BRIP1: variants seen among roughly 807,000 people sequenced by gnomAD.
BRIP1 encodes the protein BRCA1 interacting DNA helicase 1.
A neutral mutation model predicts 119.7 loss-of-function variants in BRIP1; 88 were observed. The ratio of observed to expected loss-of-function variants is 0.74; its 90% CI spans 0.62 to 0.88. The LOEUF is 0.88. BRIP1 is among the 40% of genes least tolerant of loss of function. BRIP1 has a pLI of 0.00. For missense variants in BRIP1, 1,259 were observed against 1,455.4 expected (o/e 0.87, Z 2.20); for synonymous variants, 443 against 496.5 (o/e 0.89, Z 1.43).
intron 6 of BRIP1, among the ~76,000 whole-genome samples, chr17:61,818,545 G>C (rs1427744095): frequency 2.0e-5 from 3 of 152,126 alleles, no homozygotes; most frequent in Non-Finnish European, 4.4e-5. Flanking sequence ...AAGAGTGTAA[G>C]TATCTAGAAA....
chr17:61,860,529 G>A lies in BRIP1; in HGVS notation c.94-622C>T, dbSNP rs1273128601. Among the ~76,000 whole-genome samples the A allele has an allele frequency of 4.6e-5, 7 of 152,208 alleles. No homozygotes were observed. Among genetic ancestry groups the A allele is most frequent in the South Asian group, 2.1e-4 (1 of 4,828 alleles). On this transcript the variant is annotated intron_variant, in intron 2 of 19. Coordinates refer to ENST00000259008, the MANE Select transcript of BRIP1 (RefSeq NM_032043.3). The surrounding 1 kb of genome is among the most constrained non-coding windows in gnomAD (Gnocchi z 4.1). The stretch of plus-strand genomic sequence containing the variant: ...CCAAAAATTAGCTGGGCGTGGTGGC[G>A]CATCCCTGTAATCCCAGCTACTGGG...
chr17:61,743,861 AC>A lies in BRIP1; in HGVS notation c.2257+570del, dbSNP rs1208657341. ...TGCACCACACCCTGCTAATGTTTGT[AC>A]TTTTTGTAGAGACAGGATTTCACCA... On this transcript the variant is annotated intron_variant, in intron 15 of 19. Coordinates refer to ENST00000259008, the MANE Select transcript of BRIP1 (RefSeq NM_032043.3). The surrounding 1 kb of genome is among the most constrained non-coding windows in gnomAD (Gnocchi z 4.3). Among the ~76,000 whole-genome samples, 1 of 151,934 alleles carries A rather than the reference AC, an allele frequency of 6.6e-6. No individual in the cohort carries two copies. The highest frequency in any genetic ancestry group is 2.4e-5 in the African/African-American group (1 of 41,358).
Position 61,823,726 on chromosome 17 carries a change from C to G in BRIP1, c.628-14969G>C, listed in dbSNP as rs2078360185. 6.6e-6 allele frequency among the ~76,000 whole-genome samples: 1 copy of G among 150,580 alleles called. No homozygotes were observed. The highest frequency in any genetic ancestry group is 2.0e-4 in the East Asian group (1 of 5,078). ...GATGAAAACTATAAAACCATAGATC[C>G]AAAAAGCTCAATGACCCCAAGCACA... On this transcript the variant is annotated intron_variant, in intron 6 of 19. Transcript: ENST00000259008. The surrounding 1 kb of genome is among the most constrained non-coding windows in gnomAD (Gnocchi z 4.8).
Position 61,738,775 on chromosome 17 carries a change from T to C in BRIP1, c.2379+4238A>G, listed in dbSNP as rs547204469. Among the ~76,000 whole-genome samples the C allele has an allele frequency of 1.3e-5, 2 of 152,216 alleles. No homozygotes were observed. Among genetic ancestry groups the C allele is most frequent in the Non-Finnish European group, 2.9e-5 (2 of 68,034 alleles). On this transcript the variant is annotated intron_variant, in intron 16 of 19. Transcript: ENST00000259008. This position sits in a 1 kb window ranked among gnomAD's most constrained non-coding sequence, Gnocchi z 4.2. ...AAATAATGAAGAATAACATAATAAA[T>C]ACCTGCATTCTCATATTTTCTTGCA...
intron 4 of BRIP1, 111 bp from the exon 5 acceptor site, chr17:61,849,367 T>C (rs1179866881): frequency 2.2e-6 from 2 of 900,674 alleles, no homozygotes; most frequent in East Asian, 2.5e-5. Context: ...TTTCATACCA[T>C]AATCTAAAAC....
rs1301523719 is a variant in BRIP1 at position 61,804,618 on chromosome 17, A to T, written c.919-3144T>A. On this transcript the variant is annotated intron_variant, in intron 7 of 19. Coordinates refer to ENST00000259008, the MANE Select transcript of BRIP1 (RefSeq NM_032043.3). The surrounding 1 kb of genome is among the most constrained non-coding windows in gnomAD (Gnocchi z 4.5). ...TGGCCAGGCCAGTCTTGAACTCCTG[A>T]CCTCAAGTGCCCACCTCAGCCTCCC... Among the ~76,000 whole-genome samples, 1 of 152,006 alleles carries T rather than the reference A, an allele frequency of 6.6e-6. No individual in the cohort carries two copies. The highest frequency in any genetic ancestry group is 2.4e-5 in the African/African-American group (1 of 41,374).
In BRIP1 at chr17:61,713,307, A is replaced by AC. The variant is rs1475438663; in HGVS notation, c.2492+2643_2492+2644insG. 6.7e-6 allele frequency among the ~76,000 whole-genome samples: 1 copy of AC among 150,114 alleles called. No individual in the cohort carries two copies. The highest frequency in any genetic ancestry group is 2.4e-5 in the African/African-American group (1 of 41,134). On this transcript the variant is annotated intron_variant, in intron 17 of 19. Transcript: ENST00000259008. The surrounding 1 kb of genome is among the most constrained non-coding windows in gnomAD (Gnocchi z 4.9). Reference sequence around the variant, plus strand: ...ACTACAGTGTACTCCTTTCACTTACATTAAAAAAAAAGTTAACTATAAAAC... The same window carrying AC: ...ACTACAGTGTACTCCTTTCACTTACACTTAAAAAAAAAGTTAACTATAAAAC...
At position 61,681,205 on chromosome 17, in the gene BRIP1, GC is replaced by G. The variant is rs2061265493; in HGVS notation, c.*2090del. 1 of 175,118 alleles carries G rather than the reference GC, an allele frequency of 5.7e-6. No individual in the cohort carries two copies. Among genetic ancestry groups the G allele is most frequent in the African/African-American group, 3.1e-5 (1 of 32,464 alleles). The allele number at this position is 175,118 out of a possible 1,614,324, so 10.8% of individuals were successfully genotyped here. On this transcript the variant is annotated 3_prime_UTR_variant, in exon 20 of 20. Transcript: ENST00000259008. The surrounding 1 kb of genome is among the most constrained non-coding windows in gnomAD (Gnocchi z 5.1). Reference sequence around the variant, plus strand: ...GAACTACAATTCAAGATGAGATCTGGCTGGGGACATAGCCAAACCACGTCAC... The same window carrying G: ...GAACTACAATTCAAGATGAGATCTGGTGGGGACATAGCCAAACCACGTCAC...
rs59115933 is a variant in BRIP1 at position 61,681,922 on chromosome 17, A to G, written c.*1374T>C. On this transcript the variant is annotated 3_prime_UTR_variant, in exon 20 of 20. Transcript: ENST00000259008. This position sits in a 1 kb window ranked among gnomAD's most constrained non-coding sequence, Gnocchi z 5.1. Reference sequence around the variant, plus strand: ...AATAGACCATACAGAATTCTTGGATAGCTCATAAAATTTCAATTCAAATTA... The same window carrying G: ...AATAGACCATACAGAATTCTTGGATGGCTCATAAAATTTCAATTCAAATTA... 5,564 of 199,534 alleles carry G rather than the reference A, an allele frequency of 0.028. 378 individuals are homozygous for G. The highest frequency in any genetic ancestry group is 0.12 in the African/African-American group (5,224 of 43,622). The allele number at this position is 199,534 out of a possible 1,614,324, so 12.4% of individuals were successfully genotyped here.
In BRIP1 at chr17:61,709,327, CA is replaced by C. The variant is rs2061738448; in HGVS notation, c.2492+6623del. ...TCTCTTTGTAATATTGTAGGTTTGACATTTTCATTTCTTTATTATCATAGGA... is the reference window on the plus strand; with the variant it reads ...TCTCTTTGTAATATTGTAGGTTTGACTTTTCATTTCTTTATTATCATAGGA... On this transcript the variant is annotated intron_variant, in intron 17 of 19. Coordinates refer to ENST00000259008, the MANE Select transcript of BRIP1 (RefSeq NM_032043.3). The surrounding 1 kb of genome is among the most constrained non-coding windows in gnomAD (Gnocchi z 5.0). 6.6e-6 allele frequency among the ~76,000 whole-genome samples: 1 copy of C among 151,156 alleles called. No homozygotes were observed. The highest frequency in any genetic ancestry group is 2.1e-4 in the South Asian group (1 of 4,798).
Position 61,686,199 on chromosome 17 carries a change from T to C in BRIP1, c.2576-34A>G, listed in dbSNP as rs2144119887. The C allele has an allele frequency of 6.3e-7, 1 of 1,584,394 alleles. No homozygotes were observed. Among genetic ancestry groups the C allele is most frequent in the Non-Finnish European group, 8.7e-7 (1 of 1,153,200 alleles). Reference sequence around the variant, plus strand: ...AAAGGTAAACCCAGGGAAAATTTGGTTACTTAGTTATTAAAATATTACATG... The same window carrying C: ...AAAGGTAAACCCAGGGAAAATTTGGCTACTTAGTTATTAAAATATTACATG... On this transcript the variant is annotated intron_variant, in intron 18 of 19. Coordinates refer to ENST00000259008, the MANE Select transcript of BRIP1 (RefSeq NM_032043.3). This position sits in a 1 kb window ranked among gnomAD's most constrained non-coding sequence, Gnocchi z 5.4.
In BRIP1 at chr17:61,816,896, G is replaced by A. The variant is rs1003574339; in HGVS notation, c.628-8139C>T. 6.6e-6 allele frequency among the ~76,000 whole-genome samples: 1 copy of A among 152,144 alleles called. No individual in the cohort carries two copies. The highest frequency in any genetic ancestry group is 2.4e-5 in the African/African-American group (1 of 41,432). The stretch of plus-strand genomic sequence containing the variant: ...AAAATCACCATTTTGCAACTTTCCT[G>A]TACTAACTGATTCAGGCAAGTTACA... On this transcript the variant is annotated intron_variant, in intron 6 of 19. Transcript: ENST00000259008. The surrounding 1 kb of genome is among the most constrained non-coding windows in gnomAD (Gnocchi z 5.0).
chr17:61,684,460 T>A lies in BRIP1; in HGVS notation c.2906-320A>T, dbSNP rs2061331545. 6.6e-6 allele frequency among the ~76,000 whole-genome samples: 1 copy of A among 152,166 alleles called. No homozygotes were observed. Among genetic ancestry groups the A allele is most frequent in the Non-Finnish European group, 1.5e-5 (1 of 68,030 alleles). ...GAGCTGAGGAAAGGAGGGAACAGGCTGTAAACATTTGCCTTGAAAATCCAC... is the reference window on the plus strand; with the variant it reads ...GAGCTGAGGAAAGGAGGGAACAGGCAGTAAACATTTGCCTTGAAAATCCAC... On this transcript the variant is annotated intron_variant, in intron 19 of 19. Transcript: ENST00000259008. This position sits in a 1 kb window ranked among gnomAD's most constrained non-coding sequence, Gnocchi z 4.5.
At position 61,743,942 on chromosome 17, in the gene BRIP1, C is replaced by T. The variant is rs370167397; in HGVS notation, c.2257+490G>A. Among the ~76,000 whole-genome samples, 544 of 152,284 alleles carry T rather than the reference C, an allele frequency of 3.6e-3. 4 individuals carry two copies. The highest frequency in any genetic ancestry group is 0.013 in the African/African-American group (528 of 41,560). On this transcript the variant is annotated intron_variant, in intron 15 of 19. Transcript: ENST00000259008. This position sits in a 1 kb window ranked among gnomAD's most constrained non-coding sequence, Gnocchi z 4.3. ...GCTCAAGTGATCCACCCGCCTCAGC[C>T]TCCCAAAGCGCTAGGATTACAGGCA...
In BRIP1 at chr17:61,693,794, C is replaced by T. The variant is rs533462810; in HGVS notation, c.2493-282G>A. 5.7e-4 allele frequency among the ~76,000 whole-genome samples: 86 copies of T among 152,152 alleles called. No individual in the cohort carries two copies. Among genetic ancestry groups the T allele is most frequent in the African/African-American group, 1.9e-3 (77 of 41,526 alleles). On this transcript the variant is annotated intron_variant, in intron 17 of 19. Transcript: ENST00000259008. The surrounding 1 kb of genome is among the most constrained non-coding windows in gnomAD (Gnocchi z 4.2). ...AAATATATTCTAAGATCTTTCTTAG[C>T]CACATAGACTGTTTTCTTTTTTTTA...
Position 61,846,246 on chromosome 17 carries a change from AAGAGAGAGAGAGAGAAAG to A in BRIP1, c.627+837_627+854del, listed in dbSNP as rs769544401. Among the ~76,000 whole-genome samples, 1,045 of 124,846 alleles carry A rather than the reference AAGAGAGAGAGAGAGAAAG, an allele frequency of 8.4e-3. 13 individuals are homozygous for A. The highest frequency in any genetic ancestry group is 0.056 in the African/African-American group (988 of 17,644). The allele number at this position is 124,846 out of a possible 152,430, so 81.9% of individuals were successfully genotyped here. ...ACATATAGAGAGAGAGAGAGAGAAA[AAGAGAGAGAGAGAGAAAG>A]AGAGAGAGAGAGAGGTTGGAGCCAA... On this transcript the variant is annotated intron_variant, in intron 6 of 19. Coordinates refer to ENST00000259008, the MANE Select transcript of BRIP1 (RefSeq NM_032043.3). This position sits in a 1 kb window ranked among gnomAD's most constrained non-coding sequence, Gnocchi z 4.3.
intron 10 of BRIP1, among the ~76,000 whole-genome samples, chr17:61,787,225 C>T (rs1250809541): frequency 4.8e-4 from 24 of 49,808 alleles, no homozygotes; most frequent in Non-Finnish European, 3.2e-5. Context: ...ATATTATATA[C>T]TATATAAAAT....
rs547949115 is a variant in BRIP1, at chr17:61,740,245, C to A, written c.2379+2768G>T. Among the ~76,000 whole-genome samples the A allele has an allele frequency of 5.3e-5, 8 of 152,066 alleles. No individual in the cohort carries two copies. Among genetic ancestry groups the A allele is most frequent in the Non-Finnish European group, 2.9e-5 (2 of 68,022 alleles). ...TGCAAGGCAGGACACTGGAAAGAAGCGAGCCAGATGGACAAAAGACCCCAG... is the reference window on the plus strand; with the variant it reads ...TGCAAGGCAGGACACTGGAAAGAAGAGAGCCAGATGGACAAAAGACCCCAG... On this transcript the variant is annotated intron_variant, in intron 16 of 19. Transcript: ENST00000259008. The surrounding 1 kb of genome is among the most constrained non-coding windows in gnomAD (Gnocchi z 5.4).
chr17:61,837,778 G>A (rs930861292), intron 6 of BRIP1, among the ~76,000 whole-genome samples: 1 of 152,038 alleles, frequency 6.6e-6, no homozygotes, highest in Non-Finnish European at 1.5e-5. Flanking sequence ...CATATGAATT[G>A]TCAGATTAAG....
Sources: gnomAD v4.1 joint callset for allele counts (sites outside exome capture counted in the v4.1 genomes callset) on GRCh38, gnomAD v4.1.1 for gene constraint, Gnocchi (gnomAD v3.1) non-coding constraint, MANE v1.5 for transcripts, NCBI Gene and HGNC (gene_info 2026-07-23, HGNC 2026-07-21) for gene names.